The following SULT1C2 variants were observed in gnomAD, a reference collection of about 807,000 sequenced individuals.
SULT1C2 encodes the protein sulfotransferase family 1C member 2.
A neutral mutation model predicts 36.0 loss-of-function variants in SULT1C2; 27 were observed. The ratio of observed to expected loss-of-function variants is 0.75; its 90% CI spans 0.55 to 1.03. The LOEUF (loss-of-function observed/expected upper bound fraction) is 1.03. SULT1C2 is among the 50% of genes least tolerant of loss of function. The probability of loss-of-function intolerance (pLI) is 0.00; values close to 1 mark genes in which losing one functional copy is unlikely to be tolerated. For synonymous variants in SULT1C2, 121 were observed against 116.0 expected (o/e 1.04, Z -0.27); for missense variants, 395 against 359.2 (o/e 1.10, Z -0.80).
rs1676971751 is a variant in SULT1C2 at position 108,304,587 on chromosome 2, C to A, written c.389C>A (p.Ala130Asp). 6.2e-7 allele frequency: 1 copy of A among 1,605,442 alleles called. No individual in the cohort carries two copies. The highest frequency in any genetic ancestry group is 2.2e-5 in the East Asian group (1 of 44,848). The change falls in exon 5 of 8, where the codon GCT (alanine) becomes GAT (aspartate). Residue 130 changes from alanine to aspartate, a missense_variant. Ala to Asp is a moderately radical substitution (Grantham distance 126). Transcript: ENST00000251481. ...CTTACCCCAAAGTTCCTTTATGTAG[C>A]TCGAAATGCCAAAGACTGTATGGTT... ...WENNCKFLYV[A>D]RNAKDCMVSY...
At chr2:108,296,598 C>T (rs187916682) in intron 3 of SULT1C2, among the ~76,000 whole-genome samples, 4 of 152,270 alleles carry the variant, frequency 2.6e-5, no homozygotes, top group Admixed American at 2.6e-4. Context: ...ATTACAGGCA[C>T]CTGCCAGCAC....
At chr2:108,292,610 A>G (rs568323733) in intron 1 of SULT1C2, among the ~76,000 whole-genome samples, 1 of 152,254 alleles carries the variant, frequency 6.6e-6, no homozygotes, top group African/African-American at 2.4e-5. Flanking sequence ...AACAAACAAA[A>G]AACACAAGAA....
intron 3 of SULT1C2, among the ~76,000 whole-genome samples, chr2:108,295,443 G>T (rs1024143689): frequency 6.6e-6 from 1 of 152,176 alleles, no homozygotes; most frequent in Non-Finnish European, 1.5e-5. Context: ...CTGCTGTTTT[G>T]TGTGTGTCTG....
At chr2:108,307,803 C>T (rs116135554) in intron 7 of SULT1C2, among the ~76,000 whole-genome samples, 4 of 152,032 alleles carry the variant, frequency 2.6e-5, no homozygotes, top group Admixed American at 6.6e-5. Flanking sequence ...CCACACCACC[C>T]GCACCCCAAT....
intron 7 of SULT1C2, among the ~76,000 whole-genome samples, chr2:108,307,364 T>C (rs1294501696): frequency 2.0e-5 from 3 of 152,174 alleles, no homozygotes; most frequent in Admixed American, 6.5e-5. Context: ...TTTTATACCT[T>C]TACTTACCAG....
At chr2:108,293,348 ACAGATGTTATGTGATT>A (rs1676643206) in intron 1 of SULT1C2, among the ~76,000 whole-genome samples, 1 of 152,158 alleles carries the variant, frequency 6.6e-6, no homozygotes, top group African/African-American at 2.4e-5. Flanking sequence ...TCACAAAAGG[ACAGATGTTATGTGATT>A]CCACCTAAAT....
Position 108,305,463 on chromosome 2 carries a change from G to A in SULT1C2, c.646G>A (p.Val216Met), listed in dbSNP as rs548761681. ...GGTGATGCAGTTCATGGGAAAGAAGGTGGATGAAACAGTGCTAGATAAAAT... is the reference window on the plus strand; with the variant it reads ...GGTGATGCAGTTCATGGGAAAGAAGATGGATGAAACAGTGCTAGATAAAAT... ...RKVMQFMGKK[V>M]DETVLDKIVQ... The change falls in exon 7 of 8, where the codon GTG (valine) becomes ATG (methionine). Residue 216 changes from valine (V) to methionine (M), a missense_variant. Val to Met is a conservative substitution (Grantham distance 21). Transcript: ENST00000251481. The A allele has an allele frequency of 2.5e-6, 4 of 1,614,186 alleles. No individual in the cohort carries two copies. In the African/African-American group the frequency reaches 5.3e-5, roughly 22 times the overall value.
chr2:108,305,498 G>GACGTT lies in SULT1C2; in HGVS notation c.685_686insTACGT (p.Ser229LeufsTer7). 1 of 1,614,140 alleles carries GACGTT rather than the reference G, an allele frequency of 6.2e-7. No individual in the cohort carries two copies. The highest frequency in any genetic ancestry group is 8.5e-7 in the Non-Finnish European group (1 of 1,180,030). ...CAGTGCTAGATAAAATTGTCCAGGA[G>GACGTT]ACGTCATTTGAGAAAATGAAAGAAA... is the stretch of plus-strand genomic sequence containing the variant. On this transcript the variant is annotated frameshift_variant, in exon 7 of 8. Transcript: ENST00000251481. LOFTEE classifies it high-confidence loss of function.
intron 3 of SULT1C2, among the ~76,000 whole-genome samples, chr2:108,294,941 C>T (rs978651487): frequency 6.6e-6 from 1 of 152,194 alleles, no homozygotes; most frequent in Non-Finnish European, 1.5e-5. Flanking sequence ...GTAACTGGAG[C>T]TGCTGGAACT....
intron 1 of SULT1C2, among the ~76,000 whole-genome samples, chr2:108,289,883 C>T (rs536660539): frequency 2.6e-5 from 4 of 152,286 alleles, no homozygotes; most frequent in South Asian, 4.1e-4. Context: ...TATCACTCCC[C>T]GTGCAGGCCT....
In SULT1C2 at chr2:108,308,586, A is replaced by C; in HGVS notation, c.*122A>C. 1 of 740,716 alleles carries C rather than the reference A, an allele frequency of 1.4e-6. No individual in the cohort carries two copies. The allele number at this position is 740,716 out of a possible 1,614,324, so 45.9% of individuals were successfully genotyped here. ...TGAATGTATACAATGTAGTACAAAC[A>C]ATCTCTGTGATGATTAACAGTATGT... On this transcript the variant is annotated 3_prime_UTR_variant, in exon 8 of 8. Transcript: ENST00000251481.
intron 4 of SULT1C2, 171 bp downstream of exon 4, chr2:108,301,106 C>A: frequency 1.2e-6 from 1 of 823,142 alleles, no homozygotes; most frequent in Non-Finnish European, 1.8e-6. Flanking sequence ...TTCACCTGAA[C>A]AGTTTCAAAT....
intron 1 of SULT1C2, among the ~76,000 whole-genome samples, chr2:108,292,692 C>A (rs575475327): frequency 6.6e-6 from 1 of 152,158 alleles, no homozygotes. Context: ...TAAAATGGTG[C>A]AGCTGCTGTG....
intron 3 of SULT1C2, chr2:108,298,567 A>G: frequency 4.0e-6 from 1 of 252,992 alleles, no homozygotes; most frequent in Non-Finnish European, 7.9e-6. Context: ...TTTTTTTTAG[A>G]GACAGGATTT....
At chr2:108,292,016 C>T (rs1259387150) in intron 1 of SULT1C2, among the ~76,000 whole-genome samples, 3 of 152,214 alleles carry the variant, frequency 2.0e-5, no homozygotes, top group African/African-American at 7.2e-5. Context: ...GCAGAAGCCA[C>T]CATGAAAACT....
intron 3 of SULT1C2, chr2:108,300,414 G>A (rs1676842027): frequency 1.0e-5 from 2 of 198,778 alleles, no homozygotes; most frequent in Non-Finnish European, 2.0e-5. Flanking sequence ...TGACTCACAG[G>A]CCAGCAAGTA....
In SULT1C2 at chr2:108,308,455, G is replaced by A. The variant is rs1677076537; in HGVS notation, c.882G>A (p.Met294Ile). 6.2e-7 allele frequency: 1 copy of A among 1,604,690 alleles called. No homozygotes were observed. The highest frequency in any genetic ancestry group is 1.8e-5 in the Admixed American group (1 of 57,040). ...KMEGTSINFC[M>I]EL ...AAGGAACCTCCATAAACTTCTGCAT[G>A]GAACTCTGAGCAAGATGTAAATAAA... Residue 294 changes from methionine (M) to isoleucine (I), a missense_variant, in exon 8 of 8, where the codon ATG (methionine) becomes ATA (isoleucine). Coordinates refer to ENST00000251481, the MANE Select transcript of SULT1C2 (RefSeq NM_001056.4).
chr2:108,294,460 C>G, intron 3 of SULT1C2, 106 bp downstream of exon 3: 1 of 1,328,326 alleles, frequency 7.5e-7, no homozygotes, highest in East Asian at 2.5e-5. Flanking sequence ...CTCTCTCCCC[C>G]ATCTCTCCTT....
chr2:108,297,703 G>A (rs1167587357), intron 3 of SULT1C2, among the ~76,000 whole-genome samples: 4 of 152,138 alleles, frequency 2.6e-5, no homozygotes, highest in South Asian at 2.1e-4. Flanking sequence ...GAGGTGGGGC[G>A]AGGGTGTGGG....
Sources: gnomAD v4.1 joint callset for allele counts (sites outside exome capture counted in the v4.1 genomes callset) on GRCh38, gnomAD v4.1.1 for gene constraint, MANE v1.5 for transcripts, NCBI Gene and HGNC (gene_info 2026-07-23, HGNC 2026-07-21) for gene names.